The following ZEB1 variants were observed in gnomAD, a reference collection of about 807,000 sequenced individuals.
ZEB1 encodes the protein zinc finger E-box binding homeobox 1, also known as zinc finger E-box-binding homeobox 1.
In ZEB1, 21 loss-of-function variants were observed where a neutral mutation model predicts 84.9. The observed-to-expected ratio is 0.25, with a 90% CI of 0.18 to 0.36. ZEB1 has a LOEUF of 0.36. Ranked by LOEUF, ZEB1 falls within the 10% of genes least tolerant of loss-of-function variation. The pLI, the probability that ZEB1 is intolerant of heterozygous loss-of-function variation, is 1.00. For missense variants in ZEB1, 1,104 were observed against 1,330.2 expected, an observed-to-expected ratio of 0.83 and a Z score of 2.65; for synonymous variants, 420 against 471.1, an observed-to-expected ratio of 0.89 and a Z score of 1.41.
At chr10:31,417,613 G>T (rs535106433) in intron 1 of ZEB1, among the ~76,000 whole-genome samples, 1 of 152,162 alleles carries the variant, frequency 6.6e-6, no homozygotes, top group African/African-American at 2.4e-5. Flanking sequence ...AGATTTGTAG[G>T]AATGCTGGTT....
At chr10:31,329,166 C>T (rs1436616618) in intron 1 of ZEB1, among the ~76,000 whole-genome samples, 1 of 152,078 alleles carries the variant, frequency 6.6e-6, no homozygotes, top group Non-Finnish European at 1.5e-5. Context: ...CTAAAGAGTT[C>T]TTGTGTACTT....
At chr10:31,451,716 C>A (rs1013022378) in intron 1 of ZEB1, among the ~76,000 whole-genome samples, 1 of 152,014 alleles carries the variant, frequency 6.6e-6, no homozygotes, top group East Asian at 1.9e-4. Context: ...GTGAGTTGTA[C>A]GAACACTGGC....
chr10:31,468,652 C>G (rs1023831608), intron 2 of ZEB1, among the ~76,000 whole-genome samples: 1 of 152,190 alleles, frequency 6.6e-6, no homozygotes, highest in Admixed American at 6.5e-5. Flanking sequence ...AACAACTACA[C>G]TAAGGCTATC....
At chr10:31,438,611 G>C (rs1382494799) in intron 1 of ZEB1, among the ~76,000 whole-genome samples, 4 of 152,142 alleles carry the variant, frequency 2.6e-5, no homozygotes, top group Admixed American at 6.6e-5. Flanking sequence ...CCAAGCCGGA[G>C]GATTGCTTGA....
At position 31,448,657 on chromosome 10, in the gene ZEB1, TTGG is replaced by T. The variant is rs569809829; in HGVS notation, c.59-12379_59-12377del. Among the ~76,000 whole-genome samples, 16 of 152,078 alleles carry T rather than the reference TTGG, an allele frequency of 1.1e-4. No homozygotes were observed. In the South Asian group the frequency reaches 3.1e-3, roughly 30 times the overall value. On this transcript the variant is annotated intron_variant, in intron 1 of 8. Transcript: ENST00000424869. ...GACAGGACCCTCAGCTGCAGGTCTGTTGGAATACCCTGCCGTGTGAGGTGTCAG... is the reference window on the plus strand; with the variant it reads ...GACAGGACCCTCAGCTGCAGGTCTGTAATACCCTGCCGTGTGAGGTGTCAG...
intron 1 of ZEB1, among the ~76,000 whole-genome samples, chr10:31,400,578 T>C (rs950749174): frequency 2.0e-5 from 3 of 152,148 alleles, no homozygotes; most frequent in African/African-American, 7.2e-5. Flanking sequence ...GTGAATACTT[T>C]TTAAAAGAAT....
At position 31,339,146 on chromosome 10, in the gene ZEB1, GAGA is replaced by G. The variant is rs140297555; in HGVS notation, c.58+19858_58+19860del. 6.7e-3 allele frequency among the ~76,000 whole-genome samples: 1,022 copies of G among 152,220 alleles called. 10 individuals are homozygous for G. Among genetic ancestry groups the G allele is most frequent in the African/African-American group, 0.023 (940 of 41,518 alleles). On this transcript the variant is annotated intron_variant, in intron 1 of 8. Coordinates refer to ENST00000424869, the MANE Select transcript of ZEB1 (RefSeq NM_001174096.2). ...GAGCATTTACTGTAGAAGTTCTTGA[GAGA>G]AGATCTCATCCTGTAGCCATATATG... is the stretch of plus-strand genomic sequence containing the variant.
At chr10:31,411,369 C>T (rs186090621) in intron 1 of ZEB1, among the ~76,000 whole-genome samples, 273 of 152,316 alleles carry the variant, frequency 1.8e-3, no homozygotes, top group African/African-American at 6.1e-3. Context: ...AAGCAGCTCA[C>T]GCCTGTAATC....
intron 1 of ZEB1, among the ~76,000 whole-genome samples, chr10:31,332,298 AG>A (rs1185903302): frequency 1.3e-5 from 2 of 152,154 alleles, no homozygotes; most frequent in African/African-American, 4.8e-5. Context: ...CTGCACTGTT[AG>A]GGGGAATTGT....
intron 1 of ZEB1, among the ~76,000 whole-genome samples, chr10:31,333,153 T>A (rs1394404436): frequency 6.6e-6 from 1 of 152,186 alleles, no homozygotes; most frequent in Non-Finnish European, 1.5e-5. Flanking sequence ...GCCTATTCTT[T>A]GACAGTATAT....
intron 1 of ZEB1, among the ~76,000 whole-genome samples, chr10:31,409,906 G>A (rs1047956474): frequency 6.6e-6 from 1 of 152,070 alleles, no homozygotes; most frequent in African/African-American, 2.4e-5. Context: ...AAGGAGATTT[G>A]GGGCTGAGAC....
intron 1 of ZEB1, among the ~76,000 whole-genome samples, chr10:31,391,231 TTGTGTGTGTG>T (rs780805467): frequency 0.02 from 2,702 of 134,772 alleles, 35 homozygotes; most frequent in Non-Finnish European, 0.03. Context: ...ACAGGTAAGT[TTGTGTGTGTG>T]TGTGTGTGTG....
chr10:31,446,594 G>A (rs2059813329), intron 1 of ZEB1, among the ~76,000 whole-genome samples: 1 of 151,808 alleles, frequency 6.6e-6, no homozygotes, highest in Non-Finnish European at 1.5e-5. Flanking sequence ...ATGCGTCCCA[G>A]AGATTCTGGT....
intron 1 of ZEB1, among the ~76,000 whole-genome samples, chr10:31,416,710 G>A (rs553060259): frequency 3.3e-5 from 5 of 152,016 alleles, no homozygotes; most frequent in African/African-American, 4.8e-5. Context: ...AAATAGAAGC[G>A]CATAGAAGGA....
At chr10:31,509,778 C>G (rs2069642399) in intron 4 of ZEB1, among the ~76,000 whole-genome samples, 1 of 152,112 alleles carries the variant, frequency 6.6e-6, no homozygotes, top group Non-Finnish European at 1.5e-5. Context: ...AAAGATATCA[C>G]TTAATTTATT....
chr10:31,495,645 A>C, intron 2 of ZEB1, 131 bp from the exon 3 acceptor site: 1 of 856,446 alleles, frequency 1.2e-6, no homozygotes, highest in Non-Finnish European at 1.9e-6. Flanking sequence ...AGTACATGTG[A>C]TATTTTGATA....
intron 1 of ZEB1, among the ~76,000 whole-genome samples, chr10:31,447,513 T>C (rs1359083027): frequency 6.2e-4 from 83 of 134,464 alleles, no homozygotes; most frequent in African/African-American, 2.3e-3. Flanking sequence ...CTAGTCTCGA[T>C]GGTCTTTACA....
At chr10:31,319,550 T>C (rs959484399) in intron 1 of ZEB1, 2 of 502,684 alleles carry the variant, frequency 4.0e-6, no homozygotes, top group Non-Finnish European at 7.0e-6. Flanking sequence ...CCGCCGCCCC[T>C]GCCGCCTCCC....
intron 1 of ZEB1, among the ~76,000 whole-genome samples, chr10:31,457,762 A>T (rs2061406723): frequency 6.6e-6 from 1 of 152,100 alleles, no homozygotes; most frequent in African/African-American, 2.4e-5. Flanking sequence ...GGTTAAAAAG[A>T]ACTCAGTAAA....
Sources: allele counts gnomAD v4.1 joint callset (sites outside exome capture counted in the v4.1 genomes callset), GRCh38; gene constraint gnomAD v4.1.1; transcripts MANE v1.5; gene names NCBI Gene and HGNC (gene_info 2026-07-23, HGNC 2026-07-21).